The following ST6GALNAC3 variants were observed in gnomAD, a reference collection of about 807,000 sequenced individuals.
The protein encoded by ST6GALNAC3 is ST6 N-acetylgalactosaminide alpha-2,6-sialyltransferase 3.
ST6GALNAC3 carries 25 observed loss-of-function variants against 32.7 expected under a neutral mutation model. The observed-to-expected ratio is 0.76, with a 90% CI of 0.56 to 1.07. The LOEUF (loss-of-function observed/expected upper bound fraction) is 1.07, where lower values mean the gene tolerates loss of function less well. Among genes scored for constraint, ST6GALNAC3 ranks in the 50% least tolerant of loss-of-function variants. ST6GALNAC3 has a pLI of 0.00. For missense variants in ST6GALNAC3, 355 were observed against 382.4 expected (o/e 0.93, Z 0.60); for synonymous variants, 129 against 133.1 (o/e 0.97, Z 0.21).
intron 3 of ST6GALNAC3, among the ~76,000 whole-genome samples, chr1:76,454,966 T>G (rs1298853272): frequency 6.6e-6 from 1 of 152,100 alleles, no homozygotes; most frequent in Non-Finnish European, 1.5e-5. Context: ...CTACTGTTAG[T>G]TTTGTATTAC....
chr1:76,397,728 T>C (rs553720680), intron 2 of ST6GALNAC3, among the ~76,000 whole-genome samples: 1 of 152,282 alleles, frequency 6.6e-6, no homozygotes, highest in East Asian at 1.9e-4. Flanking sequence ...TTTTTTCCCA[T>C]GTATTTGCAT....
intron 3 of ST6GALNAC3, among the ~76,000 whole-genome samples, chr1:76,439,038 T>C: frequency 6.6e-6 from 1 of 152,246 alleles, no homozygotes; most frequent in Non-Finnish European, 1.5e-5. Context: ...TTTTCATGGT[T>C]CACTTTTTCT....
chr1:76,390,188 T>C (rs940635049), intron 2 of ST6GALNAC3, among the ~76,000 whole-genome samples: 1 of 152,208 alleles, frequency 6.6e-6, no homozygotes, highest in Non-Finnish European at 1.5e-5. Context: ...AGCCATTTTG[T>C]AGTCTAACAA....
intron 2 of ST6GALNAC3, among the ~76,000 whole-genome samples, chr1:76,408,854 A>G (rs1480397779): frequency 6.6e-6 from 1 of 152,094 alleles, no homozygotes. Context: ...AGCAAATGGA[A>G]TGTAACCCCC....
chr1:76,564,575 A>AT lies in ST6GALNAC3; in HGVS notation c.624-62849dup, dbSNP rs200008546. 3.5e-3 allele frequency among the ~76,000 whole-genome samples: 444 copies of AT among 126,214 alleles called. 4 individuals carry two copies. Among genetic ancestry groups the AT allele is most frequent in the South Asian group, 6.3e-3 (25 of 3,982 alleles). The allele number at this position is 126,214 out of a possible 152,430, so 82.8% of individuals were successfully genotyped here. On this transcript the variant is annotated intron_variant, in intron 3 of 4. Coordinates refer to ENST00000328299, the MANE Select transcript of ST6GALNAC3 (RefSeq NM_152996.4). ...CTCAAATATGCAAGTTGAATGCAGCATTTTTTTTTTTTTTTTTTTTTTTTT... is the reference window on the plus strand; with the variant it reads ...CTCAAATATGCAAGTTGAATGCAGCATTTTTTTTTTTTTTTTTTTTTTTTTT...
intron 1 of ST6GALNAC3, among the ~76,000 whole-genome samples, chr1:76,224,729 T>C (rs1375680737): frequency 6.6e-6 from 1 of 152,196 alleles, no homozygotes; most frequent in Non-Finnish European, 1.5e-5. Flanking sequence ...GATAGAAATA[T>C]TTCCCTTAAA....
At chr1:76,563,120 T>C (rs1665342368) in intron 3 of ST6GALNAC3, among the ~76,000 whole-genome samples, 1 of 152,210 alleles carries the variant, frequency 6.6e-6, no homozygotes, top group Admixed American at 6.5e-5. Flanking sequence ...AGATTCCCCT[T>C]AATATTTAAC....
chr1:76,176,308 ATTGCACAGAAAAGTC>A lies in ST6GALNAC3; in HGVS notation c.18+101428_18+101442del, dbSNP rs370060275. Among the ~76,000 whole-genome samples, 67 of 152,332 alleles carry A rather than the reference ATTGCACAGAAAAGTC, an allele frequency of 4.4e-4. 3 individuals carry two copies. Among genetic ancestry groups the A allele is most frequent in the African/African-American group, 1.6e-3 (66 of 41,580 alleles). ...GGCATCAGTATTTCACCTGCTCAGT[ATTGCACAGAAAAGTC>A]TTGGTTTGACTTACAGCCTGCTCAT... On this transcript the variant is annotated intron_variant, in intron 1 of 4. Coordinates refer to ENST00000328299, the MANE Select transcript of ST6GALNAC3 (RefSeq NM_152996.4).
At chr1:76,137,406 G>A (rs3011995) in intron 1 of ST6GALNAC3, among the ~76,000 whole-genome samples, 28,866 of 152,160 alleles carry the variant, frequency 0.19, 2,923 homozygotes, top group African/African-American at 0.25. Flanking sequence ...GACATTCTGC[G>A]CAGTCAGTGT....
At chr1:76,093,364 C>T (rs1647076087) in intron 1 of ST6GALNAC3, among the ~76,000 whole-genome samples, 1 of 152,086 alleles carries the variant, frequency 6.6e-6, no homozygotes, top group Non-Finnish European at 1.5e-5. Flanking sequence ...TCATGGATTG[C>T]AGTAAAGGAA....
chr1:76,123,563 A>G (rs1213862384), intron 1 of ST6GALNAC3, among the ~76,000 whole-genome samples: 2 of 152,126 alleles, frequency 1.3e-5, no homozygotes, highest in South Asian at 2.1e-4. Flanking sequence ...GGGGGTAGGT[A>G]TAGTGCTTGG....
At chr1:76,076,754 A>T (rs893757098) in intron 1 of ST6GALNAC3, among the ~76,000 whole-genome samples, 4 of 152,156 alleles carry the variant, frequency 2.6e-5, no homozygotes, top group Admixed American at 1.3e-4. Flanking sequence ...TTTATTCTTT[A>T]ATCTTTACAT....
chr1:76,281,368 T>C (rs1329037380), intron 1 of ST6GALNAC3, among the ~76,000 whole-genome samples: 2 of 152,222 alleles, frequency 1.3e-5, no homozygotes, highest in African/African-American at 2.4e-5. Flanking sequence ...TAAAATATAC[T>C]CTCATTTGGT....
intron 1 of ST6GALNAC3, among the ~76,000 whole-genome samples, chr1:76,084,895 C>G (rs1202973040): frequency 6.6e-6 from 1 of 152,138 alleles, no homozygotes; most frequent in Non-Finnish European, 1.5e-5. Flanking sequence ...AGGTAGTTTA[C>G]AGATATTTAT....
Position 76,129,935 on chromosome 1 carries a change from G to C in ST6GALNAC3, c.18+55051G>C, listed in dbSNP as rs182676176. ...CTCGTCATACTGTTTGGGCTGATTG[G>C]TGGGAATTGCACTGCATTCTTGGCT... On this transcript the variant is annotated intron_variant, in intron 1 of 4. Coordinates refer to ENST00000328299, the MANE Select transcript of ST6GALNAC3 (RefSeq NM_152996.4). Among the ~76,000 whole-genome samples the C allele has an allele frequency of 4.6e-5, 7 of 152,250 alleles. No homozygotes were observed. In the East Asian group the frequency reaches 1.4e-3, roughly 29 times the overall value.
Position 76,381,210 on chromosome 1 carries a change from T to C in ST6GALNAC3, c.214-30798T>C, listed in dbSNP as rs115369820. On this transcript the variant is annotated intron_variant, in intron 2 of 4. Transcript: ENST00000328299. ...AAGAAAAAAAAAAAGACCACTTCTT[T>C]AGAGAACTGTTAGTGTGATGATAAG... is the stretch of plus-strand genomic sequence containing the variant. Among the ~76,000 whole-genome samples, 516 of 150,794 alleles carry C rather than the reference T, an allele frequency of 3.4e-3. 4 individuals are homozygous for C. The highest frequency in any genetic ancestry group is 0.012 in the African/African-American group (475 of 41,084).
intron 1 of ST6GALNAC3, among the ~76,000 whole-genome samples, chr1:76,102,606 C>A (rs1464602859): frequency 6.6e-6 from 1 of 151,952 alleles, no homozygotes; most frequent in African/African-American, 2.4e-5. Flanking sequence ...GGTGCTTACA[C>A]TAGAGATTAT....
intron 1 of ST6GALNAC3, among the ~76,000 whole-genome samples, chr1:76,237,054 G>A (rs1273069992): frequency 3.3e-5 from 5 of 152,138 alleles, no homozygotes; most frequent in Admixed American, 6.5e-5. Flanking sequence ...GATAGGCCAC[G>A]GGGCCAGGCA....
At chr1:76,434,775 T>A (rs1163167686) in intron 3 of ST6GALNAC3, among the ~76,000 whole-genome samples, 109 of 149,858 alleles carry the variant, frequency 7.3e-4, no homozygotes, top group African/African-American at 2.6e-3. Flanking sequence ...ACTGCCTTTT[T>A]TTTTCTCTGT....
Sources: allele counts gnomAD v4.1 joint callset (sites outside exome capture counted in the v4.1 genomes callset), GRCh38; gene constraint gnomAD v4.1.1; transcripts MANE v1.5; gene names NCBI Gene and HGNC (gene_info 2026-07-23, HGNC 2026-07-21).